Variants in AGGF1 observed in about 807,000 individuals in gnomAD.
AGGF1 encodes angiogenic factor with G patch and FHA domains 1.
AGGF1 carries 56 observed loss-of-function variants against 86.5 expected under a neutral mutation model. That is an observed-to-expected ratio of 0.65 (90% CI 0.52 to 0.81). AGGF1 has a LOEUF of 0.81. AGGF1 is among the 30% of genes least tolerant of loss of function. AGGF1 has a pLI of 0.00. For synonymous variants in AGGF1, 313 were observed against 297.1 expected (o/e 1.05, Z -0.55); for missense variants, 816 against 850.9 (o/e 0.96, Z 0.51).
At chr5:77,063,013 G>T in intron 13 of AGGF1, 39 bp from the exon 14 acceptor site, 1 of 1,608,226 alleles carries the variant, frequency 6.2e-7, no homozygotes, top group South Asian at 1.1e-5. Context: ...AATGTGTTTA[G>T]ACTCTAAAAT....
chr5:77,039,690 C>A lies in AGGF1; in HGVS notation c.841C>A (p.Pro281Thr). The A allele has an allele frequency of 6.2e-7, 1 of 1,611,896 alleles. No homozygotes were observed. The highest frequency in any genetic ancestry group is 8.5e-7 in the Non-Finnish European group (1 of 1,179,000). The change falls in exon 5 of 14, where the codon CCA becomes ACA. Residue 281 changes from proline (P) to threonine (T), a missense_variant. By Grantham distance (38) the Pro-to-Thr change is conservative. Coordinates refer to ENST00000312916, the MANE Select transcript of AGGF1 (RefSeq NM_018046.5). ...DKKLKKKRKD[P>T]DSSATNEEKD... ...AAAATTGAAGAAGAAAAGAAAAGAT[C>A]CAGATTCTTCTGCAACAAATGAGGA...
At chr5:77,035,784 C>G (rs1746958415) in intron 3 of AGGF1, 41 bp downstream of exon 3, 1 of 1,538,192 alleles carries the variant, frequency 6.5e-7, no homozygotes, top group Non-Finnish European at 9.0e-7. Flanking sequence ...TGCCCAAGAA[C>G]CTGTCCTTCT....
intron 1 of AGGF1, 137 bp downstream of exon 1, chr5:77,031,113 C>A: frequency 1.1e-6 from 1 of 935,542 alleles, no homozygotes; most frequent in Non-Finnish European, 1.6e-6. Flanking sequence ...AGAAGCTCAG[C>A]GCAGTTACAA....
At position 77,030,472 on chromosome 5, in the gene AGGF1, C is replaced by T. The variant is rs774557503; in HGVS notation, c.-295C>T. On this transcript the variant is annotated 5_prime_UTR_variant, in exon 1 of 14. Coordinates refer to ENST00000312916, the MANE Select transcript of AGGF1 (RefSeq NM_018046.5). ...GGCCTCTGGTTTTCCGACTGCTTAT[C>T]CGACGCTCCTCCCTCTGTCTCTGTA... 8.3e-6 allele frequency: 5 copies of T among 600,768 alleles called. No individual in the cohort carries two copies. The highest frequency in any genetic ancestry group is 1.6e-5 in the Non-Finnish European group (5 of 320,876). 37.2% of individuals were successfully genotyped at this position (600,768 alleles called of 1,614,324 possible).
intron 5 of AGGF1, among the ~76,000 whole-genome samples, chr5:77,045,460 AATG>A (rs1271440469): frequency 6.8e-6 from 1 of 146,322 alleles, no homozygotes; most frequent in East Asian, 1.9e-4. Context: ...TTAATTAAAA[AATG>A]TTCATTTATT....
intron 12 of AGGF1, 49 bp downstream of exon 12, chr5:77,059,792 A>G: frequency 6.2e-7 from 1 of 1,608,100 alleles, no homozygotes; most frequent in Non-Finnish European, 8.5e-7. Flanking sequence ...TCATAATAAC[A>G]TTCATAGGGT....
rs1240857647 is a variant in AGGF1 at position 77,030,793 on chromosome 5, G to A, written c.27G>A (p.Pro9=). Residue 9 remains proline, a synonymous_variant, in exon 1 of 14, where the codon CCG becomes CCA. Coordinates refer to ENST00000312916, the MANE Select transcript of AGGF1 (RefSeq NM_018046.5). The part of the protein sequence containing the change: MASEAPSP[P]RSPPPPTSPE... ...TGGCCTCGGAGGCGCCGTCCCCGCC[G>A]CGGTCGCCGCCGCCGCCCACCTCCC... The A allele has an allele frequency of 6.3e-7, 1 of 1,591,986 alleles. No homozygotes were observed. The highest frequency in any genetic ancestry group is 1.1e-5 in the South Asian group (1 of 89,822).
chr5:77,033,785 G>T (rs1210848438), intron 1 of AGGF1, among the ~76,000 whole-genome samples: 1 of 152,146 alleles, frequency 6.6e-6, no homozygotes, highest in African/African-American at 2.4e-5. Context: ...CTGAGGCAGC[G>T]TATTGACCGA....
chr5:77,050,716 T>C (rs1345784970), intron 8 of AGGF1, among the ~76,000 whole-genome samples: 63 of 152,322 alleles, frequency 4.1e-4, no homozygotes, highest in African/African-American at 1.4e-3. Flanking sequence ...TTGCTCTTTA[T>C]ATGTTAAGAA....
Position 77,030,622 on chromosome 5 carries a change from G to A in AGGF1, c.-145G>A, listed in dbSNP as rs1403582357. On this transcript the variant is annotated 5_prime_UTR_variant, in exon 1 of 14. Coordinates refer to ENST00000312916, the MANE Select transcript of AGGF1 (RefSeq NM_018046.5). ...TTCGGCTACAAGTGAGTTTCAGGGCGTCATGGCCAGGGGCCACCGCGGCCA... is the reference window on the plus strand; with the variant it reads ...TTCGGCTACAAGTGAGTTTCAGGGCATCATGGCCAGGGGCCACCGCGGCCA... 3.3e-6 allele frequency: 3 copies of A among 922,172 alleles called. No individual in the cohort carries two copies. The highest frequency in any genetic ancestry group is 2.8e-5 in the South Asian group (2 of 71,136). 57.1% of individuals were successfully genotyped at this position (922,172 alleles called of 1,614,324 possible). A position where few individuals can be genotyped will look rare whatever the true frequency, so the allele number is the denominator to read the frequency against.
intron 12 of AGGF1, among the ~76,000 whole-genome samples, chr5:77,061,449 C>T (rs558946035): frequency 2.0e-5 from 3 of 152,206 alleles, no homozygotes; most frequent in African/African-American, 7.2e-5. Context: ...CATTGCCAGA[C>T]ATCTGGATCA....
chr5:77,056,161 T>C (rs1380253708), intron 11 of AGGF1, among the ~76,000 whole-genome samples: 3 of 152,080 alleles, frequency 2.0e-5, no homozygotes, highest in East Asian at 1.9e-4. Flanking sequence ...AGTAGATCCA[T>C]GTATATGTGT....
intron 8 of AGGF1, among the ~76,000 whole-genome samples, chr5:77,049,350 A>G (rs1223680428): frequency 6.6e-6 from 1 of 152,144 alleles, no homozygotes; most frequent in Non-Finnish European, 1.5e-5. Context: ...GGTTACTTTG[A>G]GCCGGAGGAT....
intron 5 of AGGF1, among the ~76,000 whole-genome samples, chr5:77,041,065 C>T (rs1747068380): frequency 6.6e-6 from 1 of 152,210 alleles, no homozygotes; most frequent in Non-Finnish European, 1.5e-5. Flanking sequence ...TTACTTGATA[C>T]TAAATTGTAA....
chr5:77,032,032 A>G (rs971174599), intron 1 of AGGF1, among the ~76,000 whole-genome samples: 10 of 152,122 alleles, frequency 6.6e-5, no homozygotes, highest in African/African-American at 2.4e-4. Flanking sequence ...TTCATAATTT[A>G]TTGGTGGTTT....
chr5:77,042,455 C>G (rs1418440116), intron 5 of AGGF1, among the ~76,000 whole-genome samples: 2 of 107,598 alleles, frequency 1.9e-5, no homozygotes, highest in African/African-American at 6.1e-5. Flanking sequence ...CCCCCCCCAC[C>G]TCCCTCCCGG....
chr5:77,033,165 G>A (rs1746903250), intron 1 of AGGF1, among the ~76,000 whole-genome samples: 1 of 152,186 alleles, frequency 6.6e-6, no homozygotes, highest in Non-Finnish European at 1.5e-5. Flanking sequence ...TGGGGAGAGG[G>A]TGGATTCGAT....
At chr5:77,042,861 C>T (rs1220588036) in intron 5 of AGGF1, among the ~76,000 whole-genome samples, 1 of 47,208 alleles carries the variant, frequency 2.1e-5, no homozygotes, top group Non-Finnish European at 5.2e-5. Flanking sequence ...GGCGGGGGGC[C>T]GACACCCCCA....
At chr5:77,047,994 C>CG (rs376686755) in intron 6 of AGGF1, among the ~76,000 whole-genome samples, 167 bp from the exon 7 acceptor site, 83 of 152,218 alleles carry the variant, frequency 5.5e-4, no homozygotes, top group African/African-American at 1.9e-3. Flanking sequence ...AGTGTTAAGC[C>CG]TTACCCATTG....
Sources: gnomAD v4.1 joint callset for allele counts (sites outside exome capture counted in the v4.1 genomes callset) on GRCh38, gnomAD v4.1.1 for gene constraint, MANE v1.5 for transcripts, NCBI Gene and HGNC (gene_info 2026-07-23, HGNC 2026-07-21) for gene names.